The following URGCP variants were observed in gnomAD, a reference collection of about 807,000 sequenced individuals.
URGCP encodes up-regulator of cell proliferation.
In URGCP, 13 loss-of-function variants were observed where a neutral mutation model predicts 24.6. The ratio of observed to expected loss-of-function variants is 0.53; its 90% CI spans 0.34 to 0.84. The LOEUF (loss-of-function observed/expected upper bound fraction) is 0.84. Among genes scored for constraint, URGCP ranks in the 40% least tolerant of loss-of-function variants. The pLI, the probability that URGCP is intolerant of heterozygous loss-of-function variation, is 0.01. For missense variants in URGCP, 899 were observed against 1,194.3 expected, an observed-to-expected ratio of 0.75 and a Z score of 3.64; for synonymous variants, 444 against 487.2, an observed-to-expected ratio of 0.91 and a Z score of 1.17.
In URGCP at chr7:43,876,380, G is replaced by T. The variant is rs2095844302; in HGVS notation, c.*287C>A. 2.4e-6 allele frequency: 1 copy of T among 419,560 alleles called. No individual in the cohort carries two copies. Among genetic ancestry groups the T allele is most frequent in the Non-Finnish European group, 4.4e-6 (1 of 229,748 alleles). 26.0% of individuals were successfully genotyped at this position (419,560 alleles called of 1,614,324 possible). A position where few individuals can be genotyped will look rare whatever the true frequency, so the allele number is the denominator to read the frequency against. ...GTGACAGAGAGCAGCTATACAGAGG[G>T]CCCACCCCGCAGGATCCTTGACAGG... On this transcript the variant is annotated 3_prime_UTR_variant, in exon 6 of 6. Transcript: ENST00000453200.
Position 43,878,163 on chromosome 7 carries a change from T to C in URGCP, c.1300A>G (p.Ile434Val). The C allele has an allele frequency of 6.2e-7, 1 of 1,614,254 alleles. No individual in the cohort carries two copies. The highest frequency in any genetic ancestry group is 2.2e-5 in the East Asian group (1 of 44,888). The change falls in exon 6 of 6, where the codon ATC becomes GTC. Residue 434 changes from isoleucine (I) to valine (V), a missense_variant. Transcript: ENST00000453200. This position sits in a 1 kb window ranked among gnomAD's most constrained non-coding sequence, Gnocchi z 5.6. ...SDSFVKRIRA[I>V]VGNVLRAPCR... ...GGTGCCCGCAGCACATTCCCAACGA[T>C]GGCCCGGATCCTCTTCACGAAGCTG...
intron 2 of URGCP, 33 bp downstream of exon 2, chr7:43,887,757 C>T (rs1271197200): frequency 1.9e-6 from 3 of 1,548,610 alleles, no homozygotes; most frequent in Admixed American, 4.0e-5. Context: ...AGCACAAATA[C>T]AGTCATTCAG....
upstream of URGCP, among the ~76,000 whole-genome samples, chr7:43,909,427 T>G (rs1439597319): frequency 6.6e-6 from 1 of 152,184 alleles, no homozygotes; most frequent in African/African-American, 2.4e-5. Context: ...ACTTCATAGG[T>G]TAAAAACCAG....
At chr7:43,916,743 C>T (rs2095916061) in intron 1 of URGCP, among the ~76,000 whole-genome samples, 1 of 114,274 alleles carries the variant, frequency 8.8e-6, no homozygotes, top group African/African-American at 3.4e-5. Context: ...GGGTGAAAGC[C>T]ACTTTGACAC....
chr7:43,890,162 C>T (rs956251411), intron 1 of URGCP, among the ~76,000 whole-genome samples: 2 of 151,876 alleles, frequency 1.3e-5, no homozygotes, highest in Non-Finnish European at 2.9e-5. Flanking sequence ...ACCTCAGCCT[C>T]CCAAAGTGCT....
exon 1 of URGCP, chr7:43,926,371 G>A (rs1412451964): frequency 4.8e-6 from 2 of 415,720 alleles, no homozygotes; most frequent in Non-Finnish European, 7.2e-6. Flanking sequence ...CCCCTCGGCC[G>A]CGCCAGGACG....
In URGCP at chr7:43,881,662, T is replaced by A. The variant is rs41279597; in HGVS notation, c.199A>T (p.Thr67Ser). The change falls in exon 5 of 6, where the codon ACA (threonine) becomes TCA (serine). Residue 67 changes from threonine (T) to serine (S), a missense_variant. By Grantham distance (58) the Thr-to-Ser change is moderately conservative. Coordinates refer to ENST00000453200, the MANE Select transcript of URGCP (RefSeq NM_001077663.3). ...AAAAGGCAGAGAAAATGCTTACCTGTTGGAAAATCATTGTCCTGAGCCTCA... is the reference window on the plus strand; with the variant it reads ...AAAAGGCAGAGAAAATGCTTACCTGATGGAAAATCATTGTCCTGAGCCTCA... Reference protein sequence around the residue: ...TNEAQDNDFPTVERSRLQEML... With the variant: ...TNEAQDNDFPSVERSRLQEML... The A allele has an allele frequency of 6.2e-7, 1 of 1,613,874 alleles. No individual in the cohort carries two copies.
intron 5 of URGCP, chr7:43,881,074 C>A: frequency 1.5e-6 from 1 of 653,538 alleles, no homozygotes; most frequent in Non-Finnish European, 2.7e-6. Flanking sequence ...TCACATTGTG[C>A]CAAAACAGGT....
At chr7:43,918,865 A>G (rs752885538) in intron 1 of URGCP, 383 of 1,393,820 alleles carry the variant, frequency 2.7e-4, no homozygotes, top group Non-Finnish European at 3.6e-4. Context: ...CAGGCAGACG[A>G]TGAGCACTAC....
At chr7:43,901,257 CCT>C (rs1384574174) in intron 1 of URGCP, among the ~76,000 whole-genome samples, 38 of 152,190 alleles carry the variant, frequency 2.5e-4, no homozygotes, top group African/African-American at 8.4e-4. Flanking sequence ...GAGGCTCTCC[CCT>C]GAGCTGGGGT....
chr7:43,921,526 C>T (rs1372534528), intron 1 of URGCP, among the ~76,000 whole-genome samples: 2 of 152,154 alleles, frequency 1.3e-5, no homozygotes, highest in Non-Finnish European at 1.5e-5. Flanking sequence ...TTATACGGGA[C>T]AGATATTAGG....
intron 1 of URGCP, among the ~76,000 whole-genome samples, chr7:43,890,776 G>A (rs1042520908): frequency 2.0e-5 from 3 of 152,182 alleles, no homozygotes; most frequent in African/African-American, 4.8e-5. Context: ...GGACGGGCTG[G>A]TTTGTTGTCT....
chr7:43,890,778 T>G (rs1344963843), intron 1 of URGCP, among the ~76,000 whole-genome samples: 1 of 152,184 alleles, frequency 6.6e-6, no homozygotes, highest in East Asian at 1.9e-4. Context: ...ACGGGCTGGT[T>G]TGTTGTCTGG....
Position 43,877,099 on chromosome 7 carries a change from A to G in URGCP, c.2364T>C (p.Ser788=), listed in dbSNP as rs780838106. The change falls in exon 6 of 6, where the codon AGT becomes AGC. Residue 788 remains serine, a synonymous_variant. Transcript: ENST00000453200. The part of the protein sequence containing the change: ...LMGLSNVTVI[S]LAETKDIPAA... ...CTGGAATGTCCTTGGTTTCAGCTAG[A>G]CTGATCACGGTGACATTGCTCAGTC... The G allele has an allele frequency of 1.2e-5, 19 of 1,614,106 alleles. No homozygotes were observed. In the East Asian group the frequency reaches 4.0e-4, roughly 34 times the overall value.
At chr7:43,913,143 G>T (rs528188260) in intron 1 of URGCP, among the ~76,000 whole-genome samples, 2 of 152,026 alleles carry the variant, frequency 1.3e-5, no homozygotes, top group African/African-American at 4.8e-5. Flanking sequence ...GAGCCATCCC[G>T]CCCAGCCTCT....
At chr7:43,919,028 G>C in intron 1 of URGCP, 1 of 1,129,190 alleles carries the variant, frequency 8.9e-7, no homozygotes, top group Non-Finnish European at 1.4e-6. Flanking sequence ...TCTCCCAGAG[G>C]GAGAAGATCC....
At chr7:43,891,936 C>A (rs1184614277) in intron 1 of URGCP, among the ~76,000 whole-genome samples, 1 of 152,126 alleles carries the variant, frequency 6.6e-6, no homozygotes, top group Non-Finnish European at 1.5e-5. Flanking sequence ...CATGTGCCAC[C>A]ATGCCCAGCT....
At chr7:43,906,429 G>A in intron 1 of URGCP, 133 bp downstream of exon 1, 1 of 986,648 alleles carries the variant, frequency 1.0e-6, no homozygotes, top group Non-Finnish European at 1.2e-6. Context: ...TGGTGGGCCT[G>A]GCGGGCGGGG....
At position 43,918,514 on chromosome 7, in the gene URGCP, C is replaced by G. The variant is rs148507389; in HGVS notation, c.-116+7618G>C. On this transcript the variant is annotated intron_variant, in intron 1 of 5. Coordinates refer to the URGCP transcript ENST00000426198. ...CAGGCTGGTCTTGAACTCCTGACCT[C>G]AAGTGATCCGCCCACTTCGGCCTCC... 5.1e-3 allele frequency among the ~76,000 whole-genome samples: 770 copies of G among 152,146 alleles called. 9 individuals are homozygous for G. The highest frequency in any genetic ancestry group is 0.031 in the Middle Eastern group (9 of 294).
Sources: gnomAD v4.1 joint callset for allele counts (sites outside exome capture counted in the v4.1 genomes callset) on GRCh38, gnomAD v4.1.1 for gene constraint, Gnocchi (gnomAD v3.1) non-coding constraint, MANE v1.5 for transcripts, NCBI Gene and HGNC (gene_info 2026-07-23, HGNC 2026-07-21) for gene names.